PRG4: variants seen among roughly 807,000 people sequenced by gnomAD.
The protein encoded by PRG4 is articular superficial zone protein.
Under a neutral mutation model 91.2 loss-of-function variants are expected in PRG4, and 61 were observed. The observed-to-expected ratio is 0.67, with a 90% CI of 0.54 to 0.83. The LOEUF (loss-of-function observed/expected upper bound fraction) is 0.83, where lower values mean the gene tolerates loss of function less well. Ranked by LOEUF, PRG4 falls within the 40% of genes least tolerant of loss-of-function variation. PRG4 has a pLI of 0.00. For missense variants in PRG4, 1,564 were observed against 1,714.2 expected (o/e 0.91, Z 1.55); for synonymous variants, 576 against 614.2 (o/e 0.94, Z 0.92).
rs139084037 is a variant in PRG4 at position 186,306,926 on chromosome 1, G to A, written c.1207G>A (p.Glu403Lys). 201 of 1,562,042 alleles carry A rather than the reference G, an allele frequency of 1.3e-4. No individual in the cohort carries two copies. The African/African-American group carries it at 2.9e-3, about 22-fold the overall frequency. ...PKEPAPTTTK[E>K]PAPTTPKEPA... ...GGAGCCTGCACCCACCACCACCAAG[G>A]AGCCTGCACCCACCACTCCCAAGGA... The change falls in exon 7 of 13, where the codon GAG becomes AAG. Residue 403 changes from glutamate (E) to lysine (K), a missense_variant. Around this residue, in one of 3 missense-constraint regions of PRG4, gnomAD observed 48 missense variants for 93.0 expected, o/e 0.52. Coordinates refer to ENST00000445192, the MANE Select transcript of PRG4 (RefSeq NM_005807.6).
At chr1:186,312,599 ATACTATTTATCAAG>A in intron 11 of PRG4, 156 bp from the exon 12 acceptor site, 1 of 794,498 alleles carries the variant, frequency 1.3e-6, no homozygotes, top group Non-Finnish European at 2.0e-6. Context: ...GTTATAACCA[ATACTATTTATCAAG>A]TACTTCTTAC....
At chr1:186,300,324 T>C in intron 3 of PRG4, 111 bp downstream of exon 3, 1 of 1,406,876 alleles carries the variant, frequency 7.1e-7, no homozygotes, top group South Asian at 1.2e-5. Flanking sequence ...TGCACCCACT[T>C]GCAGTGCTGT....
Position 186,306,378 on chromosome 1 carries a change from A to C in PRG4, c.659A>C (p.Asp220Ala), listed in dbSNP as rs114532084. The change falls in exon 7 of 13, where the codon GAT (aspartate) becomes GCT (alanine). Residue 220 changes from aspartate to alanine, a missense_variant. Asp to Ala is a moderately radical substitution (Grantham distance 126). Coordinates refer to ENST00000445192, the MANE Select transcript of PRG4 (RefSeq NM_005807.6). ...CCTACCCCCAAACCACCAGTTGTAG[A>C]TGAAGCTGGAAGTGGATTGGACAAT... ...KKPTPKPPVV[D>A]EAGSGLDNGD... 1.5e-3 allele frequency: 2,438 copies of C among 1,612,992 alleles called. 33 individuals carry two copies. The African/African-American group carries it at 0.023, about 15-fold the overall frequency.
chr1:186,302,694 C>T (rs1458319942), intron 4 of PRG4, among the ~76,000 whole-genome samples: 2 of 152,094 alleles, frequency 1.3e-5, no homozygotes, highest in Non-Finnish European at 2.9e-5. Context: ...GTAATAAAAA[C>T]CTTAGAGCTC....
Position 186,307,091 on chromosome 1 carries a change from G to T in PRG4, c.1372G>T (p.Glu458Ter). Reference sequence around the variant, plus strand: ...GGAGCCTGCACCCACCACTCCCAAGGAGCCTACACCCACCACTCCCAAGGA... The same window carrying T: ...GGAGCCTGCACCCACCACTCCCAAGTAGCCTACACCCACCACTCCCAAGGA... ...PKEPAPTTPK[E>*]PTPTTPKEPA... The change falls in exon 7 of 13, where the codon GAG becomes TAG. Residue 458 changes from glutamate to a stop codon, truncating the protein, a stop_gained. Coordinates refer to ENST00000445192, the MANE Select transcript of PRG4 (RefSeq NM_005807.6). LOFTEE classifies it high-confidence loss of function. 6.4e-7 allele frequency: 1 copy of T among 1,554,908 alleles called. No homozygotes were observed. Among genetic ancestry groups the T allele is most frequent in the Non-Finnish European group, 8.7e-7 (1 of 1,155,830 alleles).
chr1:186,306,506 A>G lies in PRG4; in HGVS notation c.787A>G (p.Ser263Gly). 6.2e-7 allele frequency: 1 copy of G among 1,613,446 alleles called. No individual in the cohort carries two copies. Residue 263 changes from serine (S) to glycine (G), a missense_variant, in exon 7 of 13, where the codon AGT (serine) becomes GGT (glycine). By Grantham distance (56) the Ser-to-Gly change is moderately conservative. Transcript: ENST00000445192. Reference sequence around the variant, plus strand: ...AGCAAAACCAATAAATCCCAGACCCAGTCTTCCACCTAATTCTGATACATC... The same window carrying G: ...AGCAAAACCAATAAATCCCAGACCCGGTCTTCCACCTAATTCTGATACATC... Reference protein sequence around the residue: ...TTAKPINPRPSLPPNSDTSKE... With the variant: ...TTAKPINPRPGLPPNSDTSKE...
In PRG4 at chr1:186,300,256, C is replaced by T. The variant is rs202026515; in HGVS notation, c.199+43C>T. ...GTGTCTCCTCTGTCAAGCAACACTG[C>T]GAGTCTGTGAGTCCCCCCTTGCACC... On this transcript the variant is annotated intron_variant, in intron 3 of 12. Coordinates refer to ENST00000445192, the MANE Select transcript of PRG4 (RefSeq NM_005807.6). 7 of 1,612,358 alleles carry T rather than the reference C, an allele frequency of 4.3e-6. 1 individual carries two copies. The highest frequency in any genetic ancestry group is 2.0e-4 in the Middle Eastern group (1 of 5,070).
At chr1:186,311,363 TATACTTA>T in intron 9 of PRG4, 70 bp from the exon 10 acceptor site, 1 of 1,499,516 alleles carries the variant, frequency 6.7e-7, no homozygotes, top group Middle Eastern at 1.7e-4. Flanking sequence ...ACGTTCTCTC[TATACTTA>T]AATCTAGAAA....
At chr1:186,304,956 A>G (rs768627018) in intron 6 of PRG4, 34 bp downstream of exon 6, 1 of 1,600,616 alleles carries the variant, frequency 6.2e-7, no homozygotes, top group Non-Finnish European at 8.6e-7. Context: ...AGACTGTATC[A>G]ATGCCATATT....
chr1:186,309,890 A>G lies in PRG4; in HGVS notation c.3499+20A>G, dbSNP rs757009361. On this transcript the variant is annotated intron_variant, in intron 8 of 12. Coordinates refer to ENST00000445192, the MANE Select transcript of PRG4 (RefSeq NM_005807.6). ...TCCGAGGTGAGCTATGTACACATTT[A>G]TTTTTCTTCTCATCATTCTGTTTTG... The G allele has an allele frequency of 1.3e-6, 2 of 1,597,140 alleles. No individual in the cohort carries two copies. Among genetic ancestry groups the G allele is most frequent in the Non-Finnish European group, 1.7e-6 (2 of 1,164,672 alleles).
chr1:186,306,328 C>G lies in PRG4; in HGVS notation c.609C>G (p.Asn203Lys), dbSNP rs756673372. Residue 203 changes from asparagine (N) to lysine (K), a missense_variant, in exon 7 of 13, where the codon AAC becomes AAG. Transcript: ENST00000445192. ...ATATTTTTTCTCCAGTAAAAGATAACAAGAAGAACAGAACTAAAAAGAAAC... is the reference window on the plus strand; with the variant it reads ...ATATTTTTTCTCCAGTAAAAGATAAGAAGAAGAACAGAACTAAAAAGAAAC... ...ELQKKLKVKDNKKNRTKKKPT... is the reference protein window; with the variant it reads ...ELQKKLKVKDKKKNRTKKKPT... The G allele has an allele frequency of 1.9e-6, 3 of 1,587,964 alleles. No individual in the cohort carries two copies. The highest frequency in any genetic ancestry group is 2.3e-5 in the South Asian group (2 of 85,614).
chr1:186,309,154 G>T lies in PRG4; in HGVS notation c.3421+14G>T. ...CCATGCTTTCCGGTATTAAGAATCA[G>T]TTATTTTCATTTTTAAAGCTGGTAA... On this transcript the variant is annotated intron_variant, in intron 7 of 12. Transcript: ENST00000445192. 6.2e-7 allele frequency: 1 copy of T among 1,603,652 alleles called. No individual in the cohort carries two copies. The highest frequency in any genetic ancestry group is 8.5e-7 in the Non-Finnish European group (1 of 1,173,296).
intron 6 of PRG4, 62 bp from the exon 7 acceptor site, chr1:186,306,256 T>G: frequency 7.6e-7 from 1 of 1,318,300 alleles, no homozygotes; most frequent in Non-Finnish European, 1.0e-6. Flanking sequence ...GATGGGATCT[T>G]TATGTCACTA....
Position 186,301,625 on chromosome 1 carries a change from TC to T in PRG4, c.234del (p.Phe78LeufsTer72). 1 of 1,614,016 alleles carries T rather than the reference TC, an allele frequency of 6.2e-7. No homozygotes were observed. Among genetic ancestry groups the T allele is most frequent in the Non-Finnish European group, 8.5e-7 (1 of 1,179,932 alleles). On this transcript the variant is annotated frameshift_variant, in exon 4 of 13. Coordinates refer to ENST00000445192, the MANE Select transcript of PRG4 (RefSeq NM_005807.6). LOFTEE classifies it high-confidence loss of function. ...LSCKGRCFES[F>X]ERGRECDCDA... ...TGTAAAGGCCGCTGCTTTGAGTCCT[TC>T]GAGAGAGGGAGGGAGTGTGACTGCG...
rs992929421 is a variant in PRG4, at chr1:186,306,645, A to G, written c.926A>G (p.Glu309Gly). 6.2e-7 allele frequency: 1 copy of G among 1,613,522 alleles called. No individual in the cohort carries two copies. Among genetic ancestry groups the G allele is most frequent in the Non-Finnish European group, 8.5e-7 (1 of 1,179,684 alleles). ...AAAGAGAAGACTACTTCCGCTAAAG[A>G]GACACAAAGTATAGAGAAAACATCT... ...DGKEKTTSAK[E>G]TQSIEKTSAK... Residue 309 changes from glutamate (E) to glycine (G), a missense_variant, in exon 7 of 13, where the codon GAG (glutamate) becomes GGG (glycine). By Grantham distance (98) the Glu-to-Gly change is moderately conservative. Transcript: ENST00000445192.
rs149394559 is a variant in PRG4, at chr1:186,307,221, C to A, written c.1502C>A (p.Thr501Asn). Residue 501 changes from threonine (T) to asparagine (N), a missense_variant, in exon 7 of 13, where the codon ACC (threonine) becomes AAC (asparagine). By Grantham distance (65) the Thr-to-Asn change is moderately conservative. Transcript: ENST00000445192. ...APTTPKEPAP[T>N]TPKEPAPTTT... ...ACTACCCCCAAGGAGCCTGCACCCA[C>A]CACTCCCAAGGAGCCTGCACCCACC... The A allele has an allele frequency of 4.4e-6, 7 of 1,594,694 alleles. No homozygotes were observed. The highest frequency in any genetic ancestry group is 6.0e-6 in the Non-Finnish European group (7 of 1,173,376).
At position 186,306,420 on chromosome 1, in the gene PRG4, C is replaced by T. The variant is rs1656566599; in HGVS notation, c.701C>T (p.Thr234Ile). Residue 234 changes from threonine (T) to isoleucine (I), a missense_variant, in exon 7 of 13, where the codon ACA becomes ATA. Thr to Ile is a moderately conservative substitution (Grantham distance 89). Coordinates refer to ENST00000445192, the MANE Select transcript of PRG4 (RefSeq NM_005807.6). Reference sequence around the variant, plus strand: ...TTGGACAATGGTGACTTCAAGGTCACAACTCCTGACACGTCTACCACCCAA... The same window carrying T: ...TTGGACAATGGTGACTTCAAGGTCATAACTCCTGACACGTCTACCACCCAA... ...SGLDNGDFKV[T>I]TPDTSTTQHN... 1.2e-6 allele frequency: 2 copies of T among 1,613,498 alleles called. No individual in the cohort carries two copies. The highest frequency in any genetic ancestry group is 1.3e-5 in the African/African-American group (1 of 74,970).
intron 4 of PRG4, among the ~76,000 whole-genome samples, chr1:186,303,279 A>G (rs1445796749): frequency 6.6e-6 from 1 of 152,106 alleles, no homozygotes; most frequent in Admixed American, 6.5e-5. Flanking sequence ...GAGATACTTG[A>G]TGTTTTTGCT....
intron 8 of PRG4, among the ~76,000 whole-genome samples, chr1:186,310,279 G>A (rs1407966624): frequency 5.9e-5 from 9 of 152,100 alleles, no homozygotes; most frequent in Non-Finnish European, 1.0e-4. Context: ...ACTCTCTGTC[G>A]GAGAGTAACA....
Sources: gnomAD v4.1 joint callset for allele counts (sites outside exome capture counted in the v4.1 genomes callset) on GRCh38, gnomAD v4.1.1 for gene constraint, gnomAD v4.1.1 regional missense constraint, MANE v1.5 for transcripts, NCBI Gene and HGNC (gene_info 2026-07-23, HGNC 2026-07-21) for gene names.